The following GALNT2 variants were observed in gnomAD, a reference collection of about 807,000 sequenced individuals.
GALNT2 encodes the protein UDP-GalNAc:polypeptide N-acetylgalactosaminyltransferase 2.
GALNT2 carries 31 observed loss-of-function variants against 81.4 expected under a neutral mutation model. The ratio of observed to expected loss-of-function variants is 0.38; its 90% CI spans 0.29 to 0.51. GALNT2 has a LOEUF of 0.51. Ranked by LOEUF, GALNT2 falls within the 20% of genes least tolerant of loss-of-function variation. GALNT2 has a pLI of 0.87. For synonymous variants in GALNT2, 303 were observed against 287.4 expected (o/e 1.05, Z -0.55); for missense variants, 629 against 765.7 (o/e 0.82, Z 2.11).
intron 3 of GALNT2, among the ~76,000 whole-genome samples, chr1:230,221,975 T>C (rs535343932): frequency 6.6e-6 from 1 of 151,536 alleles, no homozygotes; most frequent in East Asian, 1.9e-4. Flanking sequence ...ACTTCTGTCT[T>C]CTTTTCATCC....
At chr1:230,267,572 C>A (rs1477269598) in intron 14 of GALNT2, among the ~76,000 whole-genome samples, 1 of 152,260 alleles carries the variant, frequency 6.6e-6, no homozygotes, top group East Asian at 1.9e-4. Context: ...ACAAGCCAGC[C>A]TTCAGCTATA....
intron 2 of GALNT2, among the ~76,000 whole-genome samples, chr1:230,198,021 CCACAG>C (rs1386788906): frequency 2.0e-5 from 3 of 152,224 alleles, no homozygotes; most frequent in Non-Finnish European, 4.4e-5. Context: ...CGGCGCAAGA[CCACAG>C]CACGTCTCAT....
intron 6 of GALNT2, among the ~76,000 whole-genome samples, chr1:230,238,453 C>T (rs568437662): frequency 1.3e-4 from 20 of 152,124 alleles, no homozygotes; most frequent in African/African-American, 4.6e-4. Context: ...AAAATGATGC[C>T]GATGTACAGT....
intron 1 of GALNT2, among the ~76,000 whole-genome samples, chr1:230,154,151 G>A (rs1012340879): frequency 6.6e-6 from 1 of 152,240 alleles, no homozygotes; most frequent in Admixed American, 6.5e-5. Flanking sequence ...CAACGGGGAT[G>A]TGGATTTTGT....
At chr1:230,238,897 AAG>A (rs1665112846) in intron 6 of GALNT2, among the ~76,000 whole-genome samples, 1 of 152,132 alleles carries the variant, frequency 6.6e-6, no homozygotes, top group African/African-American at 2.4e-5. Flanking sequence ...TATTTTCTAA[AAG>A]AGTTTGTATA....
At chr1:230,117,187 C>G (rs1246984890) in intron 1 of GALNT2, among the ~76,000 whole-genome samples, 1 of 152,242 alleles carries the variant, frequency 6.6e-6, no homozygotes, top group Non-Finnish European at 1.5e-5. Flanking sequence ...TCCTCTTCTG[C>G]AGCTTCCTCA....
intron 8 of GALNT2, among the ~76,000 whole-genome samples, chr1:230,246,783 C>T (rs1665384544): frequency 6.6e-6 from 1 of 152,144 alleles, no homozygotes; most frequent in Admixed American, 6.6e-5. Flanking sequence ...CCTCACCGCA[C>T]CCACCCTGGA....
rs892149494 is a variant in GALNT2 at position 230,258,471 on chromosome 1, C to T, written c.1136+3127C>T. Among the ~76,000 whole-genome samples, 7 of 151,942 alleles carry T rather than the reference C, an allele frequency of 4.6e-5. No individual in the cohort carries two copies. In the East Asian group the frequency reaches 7.7e-4, roughly 17 times the overall value. ...AACTCCTGACCTCAAGTGATCCACC[C>T]GCCTCAGCCTCCCAAAGTGCTGGGA... is the stretch of plus-strand genomic sequence containing the variant. On this transcript the variant is annotated intron_variant, in intron 11 of 15. Transcript: ENST00000366672.
intron 3 of GALNT2, among the ~76,000 whole-genome samples, chr1:230,234,288 G>A (rs1664958008): frequency 1.3e-5 from 2 of 152,098 alleles, no homozygotes; most frequent in South Asian, 4.2e-4. Context: ...GAGGGGGTGG[G>A]GAGGAGAAGG....
intron 14 of GALNT2, among the ~76,000 whole-genome samples, chr1:230,268,081 A>G (rs1212481652): frequency 1.3e-5 from 2 of 152,058 alleles, no homozygotes; most frequent in Non-Finnish European, 2.9e-5. Context: ...GAGATGTTTT[A>G]TGTGTTTCCA....
intron 1 of GALNT2, among the ~76,000 whole-genome samples, chr1:230,096,002 A>G (rs1470407514): frequency 6.6e-6 from 1 of 152,224 alleles, no homozygotes; most frequent in Non-Finnish European, 1.5e-5. Flanking sequence ...TTGTGCAGGA[A>G]TGGCACCCGG....
intron 3 of GALNT2, among the ~76,000 whole-genome samples, chr1:230,224,120 C>T (rs778349590): frequency 1.3e-5 from 2 of 152,194 alleles, no homozygotes; most frequent in African/African-American, 2.4e-5. Flanking sequence ...CCAGAACTCA[C>T]GTATCCAAGA....
intron 2 of GALNT2, among the ~76,000 whole-genome samples, chr1:230,202,591 CG>C (rs1663924857): frequency 6.6e-6 from 1 of 152,214 alleles, no homozygotes. Context: ...ACTTTCTCCC[CG>C]TGGGGTCAGG....
intron 1 of GALNT2, among the ~76,000 whole-genome samples, chr1:230,078,930 TC>T (rs1462046685): frequency 6.6e-6 from 1 of 152,190 alleles, no homozygotes; most frequent in Non-Finnish European, 1.5e-5. Context: ...CACTTCAGCC[TC>T]CCAAGTAGCT....
At chr1:230,167,988 A>G (rs1245282644) in intron 1 of GALNT2, among the ~76,000 whole-genome samples, 1 of 151,718 alleles carries the variant, frequency 6.6e-6, no homozygotes, top group Non-Finnish European at 1.5e-5. Flanking sequence ...GTAAAGAGAC[A>G]TTTTCTAGTC....
At chr1:230,098,027 T>G (rs1660299007) in intron 1 of GALNT2, among the ~76,000 whole-genome samples, 1 of 152,236 alleles carries the variant, frequency 6.6e-6, no homozygotes, top group Admixed American at 6.5e-5. Flanking sequence ...CTTTCTTGCT[T>G]GTATTCTGGG....
chr1:230,242,145 C>T (rs1665221794), intron 6 of GALNT2, among the ~76,000 whole-genome samples: 1 of 152,060 alleles, frequency 6.6e-6, no homozygotes, highest in Non-Finnish European at 1.5e-5. Flanking sequence ...TCGTGGAAAA[C>T]GCCGTATAAA....
chr1:230,123,873 G>T (rs1218379049), intron 1 of GALNT2, among the ~76,000 whole-genome samples: 2 of 152,180 alleles, frequency 1.3e-5, no homozygotes, highest in Non-Finnish European at 2.9e-5. Flanking sequence ...ACACTTAGCA[G>T]ATGTGATACA....
chr1:230,203,732 C>T (rs571123037), intron 3 of GALNT2, among the ~76,000 whole-genome samples: 1 of 152,150 alleles, frequency 6.6e-6, no homozygotes, highest in Non-Finnish European at 1.5e-5. Context: ...AAATGAACTA[C>T]CCAGCACAAT....
Sources: gnomAD v4.1 joint callset for allele counts (sites outside exome capture counted in the v4.1 genomes callset) on GRCh38, gnomAD v4.1.1 for gene constraint, MANE v1.5 for transcripts, NCBI Gene and HGNC (gene_info 2026-07-23, HGNC 2026-07-21) for gene names.